Variants in PLEKHA4 observed in about 807,000 individuals in gnomAD.
The protein encoded by PLEKHA4 is pleckstrin homology domain-containing family A member 4.
PLEKHA4 carries 73 observed loss-of-function variants against 94.7 expected under a neutral mutation model. The observed-to-expected ratio is 0.77, with a 90% CI of 0.64 to 0.94. The LOEUF (loss-of-function observed/expected upper bound fraction) is 0.94, where lower values mean the gene tolerates loss of function less well. PLEKHA4 is among the 40% of genes least tolerant of loss of function. PLEKHA4 has a pLI of 0.00. For missense variants in PLEKHA4, 1,049 were observed against 1,054.1 expected (o/e 1.00, Z 0.07); for synonymous variants, 449 against 437.1 (o/e 1.03, Z -0.34).
intron 16 of PLEKHA4, among the ~76,000 whole-genome samples, chr19:48,842,148 T>C (rs1011671156): frequency 2.7e-5 from 4 of 146,580 alleles, no homozygotes; most frequent in African/African-American, 5.0e-5. Context: ...ATTTTCTTTT[T>C]TTTTTTTTTT....
rs2035598122 is a variant in PLEKHA4 at position 48,837,896 on chromosome 19, T to C, written c.2077+121A>G. The C allele has an allele frequency of 1.2e-6, 1 of 804,688 alleles. No homozygotes were observed. Among genetic ancestry groups the C allele is most frequent in the Non-Finnish European group, 2.0e-6 (1 of 492,752 alleles). The allele number at this position is 804,688 out of a possible 1,614,324, so 49.8% of individuals were successfully genotyped here. A position where few individuals can be genotyped will look rare whatever the true frequency, so the allele number is the denominator to read the frequency against. On this transcript the variant is annotated intron_variant, in intron 19 of 19. Coordinates refer to ENST00000263265, the MANE Select transcript of PLEKHA4 (RefSeq NM_020904.3). This position sits in a 1 kb window ranked among gnomAD's most constrained non-coding sequence, Gnocchi z 4.3. ...AACTCCCAAACCCTGCCCAACTCTT[T>C]ACTCACCAAGATAAAAAATTCTCAC...
chr19:48,837,975 T>C lies in PLEKHA4; in HGVS notation c.2077+42A>G, dbSNP rs2035602822. The C allele has an allele frequency of 6.6e-7, 1 of 1,511,740 alleles. No individual in the cohort carries two copies. Among genetic ancestry groups the C allele is most frequent in the East Asian group, 2.3e-5 (1 of 43,912 alleles). The allele number at this position is 1,511,740 out of a possible 1,614,324, so 93.6% of individuals were successfully genotyped here. A position where few individuals can be genotyped will look rare whatever the true frequency, so the allele number is the denominator to read the frequency against. On this transcript the variant is annotated intron_variant, in intron 19 of 19. Transcript: ENST00000263265. The surrounding 1 kb of genome is among the most constrained non-coding windows in gnomAD (Gnocchi z 4.3). ...CTGGGATTCCAGGTCTCCAGCTCTC[T>C]CCTCCCTAAAACCCAGAAGTCCAAC...
chr19:48,858,915 C>G lies in PLEKHA4; in HGVS notation c.917G>C (p.Gly306Ala). 1.9e-6 allele frequency: 3 copies of G among 1,605,338 alleles called. No individual in the cohort carries two copies. Among genetic ancestry groups the G allele is most frequent in the Non-Finnish European group, 2.5e-6 (3 of 1,177,532 alleles). The change falls in exon 8 of 20, where the codon GGG (glycine) becomes GCG (alanine). Residue 306 changes from glycine to alanine, a missense_variant. Coordinates refer to ENST00000263265, the MANE Select transcript of PLEKHA4 (RefSeq NM_020904.3). ...GGGACTCCTGGGGGGCTTTCCTCCC[C>G]CAGCCTCAGAGGGAGGTCCTCGGCG... ...TPRRGPPSEA[G>A]GGKPPRSPQH...
intron 13 of PLEKHA4, among the ~76,000 whole-genome samples, chr19:48,850,015 A>G (rs895676516): frequency 6.6e-6 from 1 of 152,014 alleles, no homozygotes; most frequent in Non-Finnish European, 1.5e-5. Context: ...GTTCAAGACC[A>G]CCCTAATCAA....
At chr19:48,844,015 G>C (rs554127094) in intron 16 of PLEKHA4, among the ~76,000 whole-genome samples, 3 of 151,828 alleles carry the variant, frequency 2.0e-5, no homozygotes, top group East Asian at 3.9e-4. Flanking sequence ...TAGCCAGGCT[G>C]CTCTTGAACG....
chr19:48,838,032 G>T lies in PLEKHA4; in HGVS notation c.2062C>A (p.His688Asn), dbSNP rs2035605160. Residue 688 changes from histidine to asparagine, a missense_variant, in exon 19 of 20, where the codon CAC becomes AAC. Transcript: ENST00000263265. ...QALATEASQWHRMMTGGNLDS... is the reference protein window; with the variant it reads ...QALATEASQWNRMMTGGNLDS... ...AGCCAGTCACCTGTCATCATTCTGT[G>T]CCACTGCGACGCCTCAGTAGCCAGG... is the stretch of plus-strand genomic sequence containing the variant. The T allele has an allele frequency of 6.2e-7, 1 of 1,613,248 alleles. No homozygotes were observed. The highest frequency in any genetic ancestry group is 8.5e-7 in the Non-Finnish European group (1 of 1,179,432).
chr19:48,856,925 G>GAAAGA lies in PLEKHA4; in HGVS notation c.1047+492_1047+496dup, dbSNP rs1309074686. 4.1e-5 allele frequency among the ~76,000 whole-genome samples: 5 copies of GAAAGA among 120,784 alleles called. No homozygotes were observed. The East Asian group carries it at 8.3e-4, about 20-fold the overall frequency. The allele number at this position is 120,784 out of a possible 152,430, so 79.2% of individuals were successfully genotyped here. A position where few individuals can be genotyped will look rare whatever the true frequency, so the allele number is the denominator to read the frequency against. On this transcript the variant is annotated intron_variant, in intron 9 of 19. Coordinates refer to ENST00000263265, the MANE Select transcript of PLEKHA4 (RefSeq NM_020904.3). ...AAAAAAAAAAAAAAAAAGAAAGAAA[G>GAAAGA]AAAGAAAAGAAAAGAAAAAGAAAGA...
intron 13 of PLEKHA4, among the ~76,000 whole-genome samples, chr19:48,850,391 C>T (rs909183593): frequency 6.6e-6 from 1 of 152,016 alleles, no homozygotes; most frequent in Non-Finnish European, 1.5e-5. Context: ...GTAGTCTCAG[C>T]TACTGGGGAA....
chr19:48,848,051 G>T lies in PLEKHA4; in HGVS notation c.1426-11C>A. Reference sequence around the variant, plus strand: ...AGCAGACACTCTGTCCTGCAGGGAGGAAAGGAATTTGTTACTTAAAGGTGG... The same window carrying T: ...AGCAGACACTCTGTCCTGCAGGGAGTAAAGGAATTTGTTACTTAAAGGTGG... On this transcript the variant is annotated splice_polypyrimidine_tract_variant and intron_variant, in intron 13 of 19. Coordinates refer to ENST00000263265, the MANE Select transcript of PLEKHA4 (RefSeq NM_020904.3). The T allele has an allele frequency of 6.2e-7, 1 of 1,612,996 alleles. No homozygotes were observed.
intron 14 of PLEKHA4, 141 bp downstream of exon 14, chr19:48,847,759 A>T: frequency 1.0e-6 from 1 of 985,604 alleles, no homozygotes. Context: ...AAAAGAAAAC[A>T]AAGGCTTCCA....
chr19:48,854,758 G>A lies in PLEKHA4; in HGVS notation c.1048-494C>T, dbSNP rs145025340. On this transcript the variant is annotated intron_variant, in intron 9 of 19. Coordinates refer to ENST00000263265, the MANE Select transcript of PLEKHA4 (RefSeq NM_020904.3). The stretch of plus-strand genomic sequence containing the variant: ...TCTGTCACCCAGGCTGGGGTGCAGT[G>A]GCATGATCATGGCTCACTGCAGCCT... Among the ~76,000 whole-genome samples the A allele has an allele frequency of 4.6e-3, 646 of 139,578 alleles. 2 individuals are homozygous for A. The highest frequency in any genetic ancestry group is 0.016 in the African/African-American group (579 of 36,902). 91.6% of individuals were successfully genotyped at this position (139,578 alleles called of 152,430 possible).
intron 9 of PLEKHA4, among the ~76,000 whole-genome samples, chr19:48,854,696 C>CTTT (rs397859722): frequency 4.9e-5 from 4 of 81,322 alleles, no homozygotes; most frequent in Non-Finnish European, 6.8e-5. Context: ...CATGCCTGGC[C>CTTT]TTTTTTTTTT....
intron 6 of PLEKHA4, 49 bp downstream of exon 6, chr19:48,860,301 G>T (rs777135959): frequency 6.7e-7 from 1 of 1,501,588 alleles, no homozygotes. Flanking sequence ...GGGATGACGA[G>T]ACTGACTCAG....
At chr19:48,861,943 T>C (rs1448437908) in intron 3 of PLEKHA4, among the ~76,000 whole-genome samples, 1 of 151,382 alleles carries the variant, frequency 6.6e-6, no homozygotes, top group Non-Finnish European at 1.5e-5. Flanking sequence ...TTGGGTAACA[T>C]GGCGAAACCC....
chr19:48,845,736 C>T (rs1046704515), intron 14 of PLEKHA4, 120 bp from the exon 15 acceptor site: 20 of 829,786 alleles, frequency 2.4e-5, no homozygotes, highest in East Asian at 2.0e-4. Flanking sequence ...TAAACCAGGC[C>T]GGGCGCAGTG....
rs1339916703 is a variant in PLEKHA4, at chr19:48,837,423, G to C, written c.2206C>G (p.Arg736Gly). The C allele has an allele frequency of 6.2e-7, 1 of 1,613,436 alleles. No individual in the cohort carries two copies. The highest frequency in any genetic ancestry group is 8.5e-7 in the Non-Finnish European group (1 of 1,179,754). Reference protein sequence around the residue: ...VANSGSTGFSRRGSGRGGGPT... With the variant: ...VANSGSTGFSGRGSGRGGGPT... ...CCTCCTCCACGCCCACTCCCTCGGC[G>C]AGAGAACCCCGTGGAACCCGAATTA... Residue 736 changes from arginine (R) to glycine (G), a missense_variant, in exon 20 of 20, where the codon CGC (arginine) becomes GGC (glycine). Physicochemically the swap from Arg to Gly is moderately radical, Grantham distance 125 (BLOSUM62 -2). Coordinates refer to ENST00000263265, the MANE Select transcript of PLEKHA4 (RefSeq NM_020904.3). This position sits in a 1 kb window ranked among gnomAD's most constrained non-coding sequence, Gnocchi z 4.3.
At chr19:48,859,205 T>C (rs1478008748) in intron 7 of PLEKHA4, 66 bp from the exon 8 acceptor site, 2 of 1,254,270 alleles carry the variant, frequency 1.6e-6, no homozygotes, top group Admixed American at 2.3e-5. Context: ...TCCTTACCCA[T>C]CAAGTCAGCC....
intron 13 of PLEKHA4, 42 bp from the exon 14 acceptor site, chr19:48,848,082 C>T (rs372296495): frequency 2.7e-5 from 44 of 1,601,134 alleles, no homozygotes; most frequent in Non-Finnish European, 3.2e-5. Context: ...GGTGGGAAAA[C>T]GCAGGAGGGT....
chr19:48,857,086 G>A (rs139511239), intron 9 of PLEKHA4, among the ~76,000 whole-genome samples: 13 of 151,800 alleles, frequency 8.6e-5, no homozygotes, highest in African/African-American at 1.2e-4. Flanking sequence ...GCAAAGATGT[G>A]GCCATAAAAA....
Sources: gnomAD v4.1 joint callset for allele counts (sites outside exome capture counted in the v4.1 genomes callset) on GRCh38, gnomAD v4.1.1 for gene constraint, Gnocchi (gnomAD v3.1) non-coding constraint, MANE v1.5 for transcripts, NCBI Gene and HGNC (gene_info 2026-07-23, HGNC 2026-07-21) for gene names.